AP3B1: variants seen among roughly 807,000 people sequenced by gnomAD.
AP3B1 encodes adaptor related protein complex 3 subunit beta 1, also known as AP-3 complex subunit beta-1.
A neutral mutation model predicts 132.5 loss-of-function variants in AP3B1; 61 were observed. The observed-to-expected ratio is 0.46, with a 90% confidence interval of 0.37 to 0.57. The LOEUF is 0.57. AP3B1 is among the 20% of genes least tolerant of loss of function. AP3B1 has a pLI of 0.00. For missense variants in AP3B1, 1,120 were observed against 1,289.4 expected (o/e 0.87, Z 2.01); for synonymous variants, 388 against 438.3 (o/e 0.89, Z 1.43).
chr5:78,216,229 A>G lies in AP3B1; in HGVS notation c.612T>C (p.Ala204=), dbSNP rs1745956328. ...KLLKDKSTLV[A]GSVVMAFEEV... ...CTTCAAAAGCCATCACAACACTGCC[A>G]GCTACCAACTAGAAAAGAAAGAAAT... The change falls in exon 7 of 27, where the codon GCT becomes GCC. Residue 204 remains alanine (A), a synonymous_variant. Coordinates refer to ENST00000255194, the MANE Select transcript of AP3B1 (RefSeq NM_003664.5). The G allele has an allele frequency of 6.2e-7, 1 of 1,613,930 alleles. No homozygotes were observed. The highest frequency in any genetic ancestry group is 1.7e-5 in the Admixed American group (1 of 59,986).
chr5:78,046,294 G>C (rs1299102792), intron 22 of AP3B1, among the ~76,000 whole-genome samples: 1 of 152,184 alleles, frequency 6.6e-6, no homozygotes, highest in African/African-American at 2.4e-5. Context: ...GATCCTCATA[G>C]GAGTGCAAAC....
At chr5:78,180,252 T>C (rs530524518) in intron 8 of AP3B1, among the ~76,000 whole-genome samples, 11 of 152,114 alleles carry the variant, frequency 7.2e-5, no homozygotes, top group Non-Finnish European at 1.3e-4. Flanking sequence ...TACAAAGCTG[T>C]AAGCTCTAAA....
chr5:78,264,043 T>C (rs1458908523), intron 2 of AP3B1, among the ~76,000 whole-genome samples: 1 of 152,290 alleles, frequency 6.6e-6, no homozygotes, highest in Non-Finnish European at 1.5e-5. Flanking sequence ...CCTAAGTGTG[T>C]AGTAAGCTTG....
chr5:78,186,518 G>A (rs932358910), intron 7 of AP3B1, among the ~76,000 whole-genome samples: 1 of 152,132 alleles, frequency 6.6e-6, no homozygotes, highest in Non-Finnish European at 1.5e-5. Flanking sequence ...TCTCAGTTTT[G>A]ACTGTATCAA....
At chr5:78,246,714 T>TC (rs141604916) in intron 2 of AP3B1, among the ~76,000 whole-genome samples, 2,585 of 152,302 alleles carry the variant, frequency 0.017, 60 homozygotes, top group East Asian at 0.052. Context: ...TCCTGTTTTT[T>TC]CTTGGTCACT....
chr5:78,016,721 A>T (rs565514389), intron 25 of AP3B1, among the ~76,000 whole-genome samples: 1 of 152,252 alleles, frequency 6.6e-6, no homozygotes, highest in South Asian at 2.1e-4. Flanking sequence ...GTTAGAAAAT[A>T]GAACTATCTA....
At chr5:78,154,930 T>C (rs1743084405) in intron 14 of AP3B1, among the ~76,000 whole-genome samples, 1 of 152,218 alleles carries the variant, frequency 6.6e-6, no homozygotes, top group Non-Finnish European at 1.5e-5. Flanking sequence ...CACGTATCTC[T>C]CTGTTTCTCT....
In AP3B1 at chr5:78,264,203, A is replaced by C. The variant is rs565218695; in HGVS notation, c.204+3317T>G. On this transcript the variant is annotated intron_variant, in intron 2 of 26. Transcript: ENST00000255194. Reference sequence around the variant, plus strand: ...ATTGAATAATAATCTAGATCCAAAAATTCACATAATTTTTAAACCCAGTTT... The same window carrying C: ...ATTGAATAATAATCTAGATCCAAAACTTCACATAATTTTTAAACCCAGTTT... 3.9e-5 allele frequency among the ~76,000 whole-genome samples: 6 copies of C among 152,328 alleles called. No homozygotes were observed. The South Asian group carries it at 1.2e-3, about 32-fold the overall frequency.
intron 7 of AP3B1, among the ~76,000 whole-genome samples, chr5:78,193,790 C>G (rs1744968558): frequency 1.0e-5 from 1 of 97,540 alleles, no homozygotes; most frequent in African/African-American, 3.5e-5. Flanking sequence ...TAGACAGAGT[C>G]TCGCTCTGTC....
In AP3B1 at chr5:78,002,749, C is replaced by A; in HGVS notation, c.*153G>T. ...AAGTATTGCATACATGATAGATACA[C>A]ACTAGCATTCTAAAGCAGGAGACAA... On this transcript the variant is annotated 3_prime_UTR_variant, in exon 27 of 27. Transcript: ENST00000255194. 1 of 881,992 alleles carries A rather than the reference C, an allele frequency of 1.1e-6. No individual in the cohort carries two copies. Among genetic ancestry groups the A allele is most frequent in the Non-Finnish European group, 1.9e-6 (1 of 526,036 alleles). 54.6% of individuals were successfully genotyped at this position (881,992 alleles called of 1,614,324 possible).
intron 2 of AP3B1, among the ~76,000 whole-genome samples, chr5:78,256,117 T>C (rs545165965): frequency 6.6e-6 from 1 of 151,514 alleles, no homozygotes; most frequent in South Asian, 2.1e-4. Flanking sequence ...CTTAAGGAAC[T>C]AGAAAAGCAG....
chr5:78,168,993 C>T (rs142212938), intron 11 of AP3B1, among the ~76,000 whole-genome samples: 63 of 152,132 alleles, frequency 4.1e-4, no homozygotes, highest in Middle Eastern at 3.4e-3. Context: ...ATGAATAATA[C>T]ATCATTCTAA....
At position 78,098,844 on chromosome 5, in the gene AP3B1, G is replaced by A. The variant is rs114633557; in HGVS notation, c.2470+2109C>T. On this transcript the variant is annotated intron_variant, in intron 21 of 26. Transcript: ENST00000255194. ...ACTTACATCTTAGTTGGGAGAAAGA[G>A]ACAATAATCAAGTACCAAAATTTTA... is the stretch of plus-strand genomic sequence containing the variant. Among the ~76,000 whole-genome samples the A allele has an allele frequency of 9.6e-3, 1,456 of 152,296 alleles. 24 individuals are homozygous for A. The highest frequency in any genetic ancestry group is 0.032 in the African/African-American group (1,342 of 41,560).
chr5:78,008,335 A>T (rs1296763002), intron 26 of AP3B1, among the ~76,000 whole-genome samples: 1 of 152,240 alleles, frequency 6.6e-6, no homozygotes, highest in Non-Finnish European at 1.5e-5. Context: ...GATTCCCATT[A>T]GTAAAATTGT....
intron 2 of AP3B1, among the ~76,000 whole-genome samples, chr5:78,242,577 T>G (rs966918233): frequency 6.6e-6 from 1 of 152,104 alleles, no homozygotes; most frequent in African/African-American, 2.4e-5. Flanking sequence ...TGGCTAATTT[T>G]TGTATTTTTA....
intron 14 of AP3B1, 130 bp from the exon 15 acceptor site, chr5:78,141,449 C>G: frequency 2.9e-6 from 2 of 679,874 alleles, no homozygotes; most frequent in Non-Finnish European, 2.4e-6. Context: ...AGGAATTAAT[C>G]CTGTATTTAT....
chr5:78,147,184 A>C (rs1280666725), intron 14 of AP3B1, among the ~76,000 whole-genome samples: 2 of 152,038 alleles, frequency 1.3e-5, no homozygotes, highest in African/African-American at 4.8e-5. Context: ...TTTGGTTGCC[A>C]TATTTTTTGT....
intron 21 of AP3B1, among the ~76,000 whole-genome samples, chr5:78,093,190 G>A (rs752725679): frequency 3.9e-5 from 6 of 152,164 alleles, no homozygotes; most frequent in South Asian, 2.1e-4. Flanking sequence ...TATAAAGAAC[G>A]TAGGTTTTGT....
At chr5:78,251,606 G>A (rs757135407) in intron 2 of AP3B1, among the ~76,000 whole-genome samples, 4 of 152,160 alleles carry the variant, frequency 2.6e-5, no homozygotes, top group Non-Finnish European at 5.9e-5. Flanking sequence ...AAACCGGACC[G>A]AACTCAGCTG....
Sources: allele counts gnomAD v4.1 joint callset (sites outside exome capture counted in the v4.1 genomes callset), GRCh38; gene constraint gnomAD v4.1.1; transcripts MANE v1.5; gene names NCBI Gene and HGNC (gene_info 2026-07-23, HGNC 2026-07-21).